Variants in CELSR1 observed in about 807,000 individuals in gnomAD.
CELSR1 encodes the protein cadherin EGF LAG seven-pass G-type receptor 1.
Under a neutral mutation model 249.1 loss-of-function variants are expected in CELSR1, and 110 were observed. That is an observed-to-expected ratio of 0.44 (90% CI 0.38 to 0.52). The LOEUF is 0.52. Among genes scored for constraint, CELSR1 ranks in the 20% least tolerant of loss-of-function variants. The probability of loss-of-function intolerance (pLI) is 0.00; values close to 1 mark genes in which losing one functional copy is unlikely to be tolerated. For missense variants in CELSR1, 4,109 were observed against 4,296.4 expected (o/e 0.96, Z 1.22); for synonymous variants, 2,113 against 1,900.0 (o/e 1.11, Z -2.92).
At chr22:46,520,126 G>A (rs1275697935) in intron 1 of CELSR1, among the ~76,000 whole-genome samples, 4 of 151,966 alleles carry the variant, frequency 2.6e-5, no homozygotes, top group Non-Finnish European at 5.9e-5. Flanking sequence ...CACCCGCCTC[G>A]GCCTCCCAAA....
rs6008778 is a variant in CELSR1, at chr22:46,364,205, C to T, written c.8826G>A (p.Thr2942=). ...KVTYPPPLTL[T]EQTLKGRLRE... is the part of the protein sequence containing the mutation. ...GGAGCCGGCCCTTCAGCGTCTGCTC[C>T]GTCAGCGTCAGCGGCGGCGGGTAGG... is the stretch of plus-strand genomic sequence containing the variant. The change falls in exon 34 of 35, where the codon ACG becomes ACA. Residue 2942 remains threonine, a synonymous_variant. Transcript: ENST00000674500. 16,744 of 1,611,192 alleles carry T rather than the reference C, an allele frequency of 0.01. 1,209 individuals are homozygous for T. The African/African-American group carries it at 0.17, about 17-fold the overall frequency.
chr22:46,384,934 G>A (rs772008412), intron 19 of CELSR1, among the ~76,000 whole-genome samples: 15 of 151,684 alleles, frequency 9.9e-5, no homozygotes, highest in African/African-American at 3.4e-4. Context: ...GGGATTACAG[G>A]CAGGCACCAC....
chr22:46,470,321 A>G (rs901272383), intron 1 of CELSR1, among the ~76,000 whole-genome samples: 1 of 151,902 alleles, frequency 6.6e-6, no homozygotes, highest in African/African-American at 2.4e-5. Context: ...GAGCTTATGT[A>G]TCATAGTGAG....
chr22:46,507,994 TG>T (rs890909655), intron 1 of CELSR1, among the ~76,000 whole-genome samples: 7 of 152,218 alleles, frequency 4.6e-5, no homozygotes, highest in African/African-American at 1.7e-4. Context: ...ATAACCATGC[TG>T]GGGATAGCTT....
At position 46,440,695 on chromosome 22, in the gene CELSR1, C is replaced by T. The variant is rs3788684; in HGVS notation, c.4184-1284G>A. Among the ~76,000 whole-genome samples, 54,138 of 151,972 alleles carry T rather than the reference C, an allele frequency of 0.36. 10,139 individuals carry two copies. The highest frequency in any genetic ancestry group is 0.48 in the African/African-American group (19,815 of 41,414). Reference sequence around the variant, plus strand: ...CTCTTATTGTGTTATAGAAGCTCCTCGTAAATTATGGAAGGAACTATTGTC... The same window carrying T: ...CTCTTATTGTGTTATAGAAGCTCCTTGTAAATTATGGAAGGAACTATTGTC... On this transcript the variant is annotated intron_variant, in intron 2 of 34. Transcript: ENST00000674500. This position sits in a 1 kb window ranked among gnomAD's most constrained non-coding sequence, Gnocchi z 4.7.
Position 46,464,053 on chromosome 22 carries a change from G to C in CELSR1, c.3837C>G (p.Asp1279Glu). ...GATTCAGGTAGATCTGCTCCTGCAG[G>C]TCCTCCGACGGGAAGAACTGGCCGC... ...GVRGQFFPSE[D>E]LQEQIYLNRT... Residue 1279 changes from aspartate (D) to glutamate (E), a missense_variant, in exon 2 of 35, where the codon GAC becomes GAG. Asp to Glu is a conservative substitution (Grantham distance 45). Around this residue, in one of 7 missense-constraint regions of CELSR1, gnomAD observed 141 missense variants for 209.4 expected, o/e 0.67. Transcript: ENST00000674500. The surrounding 1 kb of genome is among the most constrained non-coding windows in gnomAD (Gnocchi z 8.5). 1 of 1,613,784 alleles carries C rather than the reference G, an allele frequency of 6.2e-7. No homozygotes were observed. Among genetic ancestry groups the C allele is most frequent in the Non-Finnish European group, 8.5e-7 (1 of 1,180,044 alleles).
chr22:46,531,179 G>A lies in CELSR1; in HGVS notation c.3544+2448C>T, dbSNP rs192224835. On this transcript the variant is annotated intron_variant, in intron 1 of 34. Coordinates refer to ENST00000674500, the MANE Select transcript of CELSR1 (RefSeq NM_001378328.1). ...TAGTCGAATGGTCTGAGATTTCTGC[G>A]CATCCTTTTATTTATTTATTTATTT... Among the ~76,000 whole-genome samples, 282 of 137,624 alleles carry A rather than the reference G, an allele frequency of 2.0e-3. 1 individual carries two copies. The highest frequency in any genetic ancestry group is 2.7e-3 in the Non-Finnish European group (170 of 62,630). The allele number at this position is 137,624 out of a possible 152,430, so 90.3% of individuals were successfully genotyped here.
Position 46,448,151 on chromosome 22 carries a change from G to A in CELSR1, c.4184-8740C>T, listed in dbSNP as rs1473662920. ...GGCTTCAGCAAACGGCTTACCTGCTGCAGGCGGGGGCTGGGTGCTGGGTGT... is the reference window on the plus strand; with the variant it reads ...GGCTTCAGCAAACGGCTTACCTGCTACAGGCGGGGGCTGGGTGCTGGGTGT... On this transcript the variant is annotated intron_variant, in intron 2 of 34. Coordinates refer to ENST00000674500, the MANE Select transcript of CELSR1 (RefSeq NM_001378328.1). This position sits in a 1 kb window ranked among gnomAD's most constrained non-coding sequence, Gnocchi z 5.7. Among the ~76,000 whole-genome samples, 1 of 152,238 alleles carries A rather than the reference G, an allele frequency of 6.6e-6. No individual in the cohort carries two copies. Among genetic ancestry groups the A allele is most frequent in the Non-Finnish European group, 1.5e-5 (1 of 68,038 alleles).
chr22:46,405,097 T>C (rs965368745), intron 9 of CELSR1, among the ~76,000 whole-genome samples: 5 of 150,106 alleles, frequency 3.3e-5, no homozygotes, highest in Admixed American at 3.3e-4. Flanking sequence ...AGTGCTGGGA[T>C]TACAGGCGTG....
In CELSR1 at chr22:46,536,795, G is replaced by C. The variant is rs1178561614; in HGVS notation, c.376C>G (p.Arg126Gly). Reference sequence around the variant, plus strand: ...GGGAAGCAGAGCGCCCCGCAGAGCCGGGCACCGGTTCCGCAGAGCCGGGCA... The same window carrying C: ...GGGAAGCAGAGCGCCCCGCAGAGCCCGGCACCGGTTCCGCAGAGCCGGGCA... ...ARARLCGTGA[R>G]LCGALCFPVP... The change falls in exon 1 of 35, where the codon CGG (arginine) becomes GGG (glycine). Residue 126 changes from arginine to glycine, a missense_variant. By Grantham distance (125) the Arg-to-Gly change is moderately radical (BLOSUM62 -2). Transcript: ENST00000674500. The C allele has an allele frequency of 1.7e-6, 2 of 1,194,242 alleles. No homozygotes were observed. The highest frequency in any genetic ancestry group is 3.4e-5 in the South Asian group (1 of 29,270). The allele number at this position is 1,194,242 out of a possible 1,614,324, so 74.0% of individuals were successfully genotyped here. A position where few individuals can be genotyped will look rare whatever the true frequency, so the allele number is the denominator to read the frequency against.
Position 46,390,633 on chromosome 22 carries a change from G to A in CELSR1, c.6251-147C>T, listed in dbSNP as rs182826603. 2.2e-5 allele frequency: 14 copies of A among 627,540 alleles called. No individual in the cohort carries two copies. Among genetic ancestry groups the A allele is most frequent in the African/African-American group, 7.5e-5 (4 of 53,526 alleles). 38.9% of individuals were successfully genotyped at this position (627,540 alleles called of 1,614,324 possible). A position where few individuals can be genotyped will look rare whatever the true frequency, so the allele number is the denominator to read the frequency against. On this transcript the variant is annotated intron_variant, in intron 16 of 34. Transcript: ENST00000674500. The surrounding 1 kb of genome is among the most constrained non-coding windows in gnomAD (Gnocchi z 6.3). Reference sequence around the variant, plus strand: ...TGGGGGCCAGGAGGTCGACACCAGCGCCCCTCTTTCATGTCAGGGCCACGG... The same window carrying A: ...TGGGGGCCAGGAGGTCGACACCAGCACCCCTCTTTCATGTCAGGGCCACGG...
intron 5 of CELSR1, among the ~76,000 whole-genome samples, chr22:46,425,433 T>C (rs2079525937): frequency 6.6e-6 from 1 of 152,236 alleles, no homozygotes; most frequent in Non-Finnish European, 1.5e-5. Flanking sequence ...TTTTTGGGAA[T>C]GTTAAACTAC....
At chr22:46,367,567 C>T (rs925825716) in intron 28 of CELSR1, among the ~76,000 whole-genome samples, 162 bp downstream of exon 28, 10 of 152,234 alleles carry the variant, frequency 6.6e-5, no homozygotes, top group East Asian at 1.9e-4. Context: ...AGCCCCCGTG[C>T]CGGCTGCACA....
rs2147609321 is a variant in CELSR1, at chr22:46,468,324, T to C, written c.3545-3979A>G. Among the ~76,000 whole-genome samples, 1 of 150,624 alleles carries C rather than the reference T, an allele frequency of 6.6e-6. No individual in the cohort carries two copies. Among genetic ancestry groups the C allele is most frequent in the South Asian group, 2.1e-4 (1 of 4,760 alleles). Reference sequence around the variant, plus strand: ...TCGCTTGAACCCAAGAGGTGGAGGTTGTGGTGAGCCAAGATCATACCACTG... The same window carrying C: ...TCGCTTGAACCCAAGAGGTGGAGGTCGTGGTGAGCCAAGATCATACCACTG... On this transcript the variant is annotated intron_variant, in intron 1 of 34. Transcript: ENST00000674500. This position sits in a 1 kb window ranked among gnomAD's most constrained non-coding sequence, Gnocchi z 4.5.
chr22:46,403,866 A>C (rs1423939159), intron 9 of CELSR1, among the ~76,000 whole-genome samples: 1 of 147,544 alleles, frequency 6.8e-6, no homozygotes, highest in African/African-American at 2.5e-5. Flanking sequence ...CCAGCTACTA[A>C]GGAGGCTGAG....
chr22:46,365,679 T>C lies in CELSR1; in HGVS notation c.8311A>G (p.Ile2771Val). The C allele has an allele frequency of 6.4e-7, 1 of 1,574,148 alleles. No individual in the cohort carries two copies. The highest frequency in any genetic ancestry group is 8.6e-7 in the Non-Finnish European group (1 of 1,159,956). Residue 2771 changes from isoleucine (I) to valine (V), a missense_variant, in exon 31 of 35, where the codon ATC becomes GTC. Physicochemically the swap from Ile to Val is conservative, Grantham distance 29. This residue lies in a region of CELSR1 where 1,805 missense variants were observed against 1,831.6 expected (regional missense o/e 0.99). Transcript: ENST00000674500. The part of the protein sequence containing the change: ...SLDSIVRDEG[I>V]QKLGVSSGLV... ...CCAGAGGACACGCCGAGCTTCTGGA[T>C]CCCTTCATCCCTAGAGAGGCCAGGG...
Position 46,382,506 on chromosome 22 carries a change from G to C in CELSR1, c.6884-456C>G, listed in dbSNP as rs901500234. Among the ~76,000 whole-genome samples the C allele has an allele frequency of 2.6e-5, 4 of 152,118 alleles. No individual in the cohort carries two copies. In the South Asian group the frequency reaches 8.3e-4, roughly 32 times the overall value. Reference sequence around the variant, plus strand: ...TTAGCCAGGATGGTCTCGATCTCCTGACCTCATGATCCGCCCGCCTCGGCC... The same window carrying C: ...TTAGCCAGGATGGTCTCGATCTCCTCACCTCATGATCCGCCCGCCTCGGCC... On this transcript the variant is annotated intron_variant, in intron 20 of 34. Coordinates refer to ENST00000674500, the MANE Select transcript of CELSR1 (RefSeq NM_001378328.1).
intron 1 of CELSR1, among the ~76,000 whole-genome samples, chr22:46,496,657 AAG>A (rs1294187208): frequency 6.6e-6 from 1 of 151,964 alleles, no homozygotes; most frequent in Non-Finnish European, 1.5e-5. Flanking sequence ...GTTAAAAACC[AAG>A]ACATAAACAC....
In CELSR1 at chr22:46,418,502, A is replaced by T. The variant is rs148094024; in HGVS notation, c.4612-6743T>A. The stretch of plus-strand genomic sequence containing the variant: ...TCCGCCTCAGAATAAATAAATAAAT[A>T]AATTAAAATAAAATATAACATAAAA... On this transcript the variant is annotated intron_variant, in intron 5 of 34. Coordinates refer to ENST00000674500, the MANE Select transcript of CELSR1 (RefSeq NM_001378328.1). Among the ~76,000 whole-genome samples the T allele has an allele frequency of 6.2e-3, 937 of 150,434 alleles. 6 individuals carry two copies. The highest frequency in any genetic ancestry group is 0.013 in the Admixed American group (195 of 15,210).
Sources: gnomAD v4.1 joint callset for allele counts (sites outside exome capture counted in the v4.1 genomes callset) on GRCh38, gnomAD v4.1.1 for gene constraint, gnomAD v4.1.1 regional missense constraint, Gnocchi (gnomAD v3.1) non-coding constraint, MANE v1.5 for transcripts, NCBI Gene and HGNC (gene_info 2026-07-23, HGNC 2026-07-21) for gene names.